The following QSOX1 variants were observed in gnomAD, a reference collection of about 807,000 sequenced individuals.
QSOX1 encodes quiescin sulfhydryl oxidase 1.
In QSOX1, 40 loss-of-function variants were observed where a neutral mutation model predicts 76.1. The ratio of observed to expected loss-of-function variants is 0.53; its 90% CI spans 0.41 to 0.68. The LOEUF (loss-of-function observed/expected upper bound fraction) is 0.68. Ranked by LOEUF, QSOX1 falls within the 30% of genes least tolerant of loss-of-function variation. The pLI, the probability that QSOX1 is intolerant of heterozygous loss-of-function variation, is 0.00. For missense variants in QSOX1, 931 were observed against 974.3 expected, an observed-to-expected ratio of 0.96 and a Z score of 0.59; for synonymous variants, 392 against 413.1, an observed-to-expected ratio of 0.95 and a Z score of 0.62.
chr1:180,198,505 T>C lies in QSOX1; in HGVS notation c.*1468T>C, dbSNP rs1435768917. 2 of 418,988 alleles carry C rather than the reference T, an allele frequency of 4.8e-6. No homozygotes were observed. Among genetic ancestry groups the C allele is most frequent in the Admixed American group, 5.0e-5 (2 of 40,170 alleles). The allele number at this position is 418,988 out of a possible 1,614,324, so 26.0% of individuals were successfully genotyped here. On this transcript the variant is annotated 3_prime_UTR_variant, in exon 12 of 12. Transcript: ENST00000367602. ...GGGGAGCAGGAGCCTCAATCCGATT[T>C]GGTTTTCTCTTTGACATCTTCACTC...
At chr1:180,178,987 T>A in intron 5 of QSOX1, 103 bp downstream of exon 5, 3 of 1,056,384 alleles carry the variant, frequency 2.8e-6, no homozygotes, top group African/African-American at 1.6e-5. Context: ...CTTGGCTGCC[T>A]GGGTCTTTTA....
In QSOX1 at chr1:180,200,078, G is replaced by C. The variant is rs999292394; in HGVS notation, c.*3041G>C. The C allele has an allele frequency of 1.3e-5, 2 of 152,200 alleles. No individual in the cohort carries two copies. The highest frequency in any genetic ancestry group is 4.8e-5 in the African/African-American group (2 of 41,436). The allele number at this position is 152,200 out of a possible 1,614,324, so 9.4% of individuals were successfully genotyped here. On this transcript the variant is annotated 3_prime_UTR_variant, in exon 12 of 12. Transcript: ENST00000367602. ...GAGAGCCCTCAAATCTGGGCCCTGG[G>C]TCAGGGTGGGGTCAAGTCCAGCCTT...
chr1:180,174,891 G>A (rs1662847172), intron 2 of QSOX1, among the ~76,000 whole-genome samples: 2 of 151,826 alleles, frequency 1.3e-5, no homozygotes, highest in Non-Finnish European at 2.9e-5. Context: ...TCGGCCAGGC[G>A]CCTATAATCC....
At chr1:180,183,878 A>G (rs112603446) in intron 6 of QSOX1, 38 bp from the exon 7 acceptor site, 21 of 1,591,532 alleles carry the variant, frequency 1.3e-5, no homozygotes, top group Non-Finnish European at 1.7e-5. Flanking sequence ...TGTTCTCTGC[A>G]CTTACTGCCT....
chr1:180,158,550 C>T (rs1034613516), intron 1 of QSOX1, among the ~76,000 whole-genome samples: 1 of 152,186 alleles, frequency 6.6e-6, no homozygotes, highest in Non-Finnish European at 1.5e-5. Context: ...GGCATTTTGT[C>T]CATCCAGTGA....
In QSOX1 at chr1:180,196,333, A is replaced by G. The variant is rs1424597642; in HGVS notation, c.1540A>G (p.Asn514Asp). ...PPRELCSACH[N>D]ERLDVPVWDV... is the part of the protein sequence containing the mutation. ...CCGTGAACTTTGTTCTGCCTGCCAC[A>G]ATGAACGCCTGGATGTGCCCGTGTG... Residue 514 changes from asparagine to aspartate, a missense_variant, in exon 12 of 12, where the codon AAT (asparagine) becomes GAT (aspartate). Coordinates refer to ENST00000367602, the MANE Select transcript of QSOX1 (RefSeq NM_002826.5). The surrounding 1 kb of genome is among the most constrained non-coding windows in gnomAD (Gnocchi z 4.1). 1 of 1,614,128 alleles carries G rather than the reference A, an allele frequency of 6.2e-7. No individual in the cohort carries two copies. Among genetic ancestry groups the G allele is most frequent in the South Asian group, 1.1e-5 (1 of 91,088 alleles).
At chr1:180,195,363 C>T (rs1293806083) in intron 11 of QSOX1, among the ~76,000 whole-genome samples, 4 of 152,296 alleles carry the variant, frequency 2.6e-5, no homozygotes, top group Non-Finnish European at 4.4e-5. Flanking sequence ...TGACTCATGA[C>T]TGGACCCTTG....
intron 4 of QSOX1, 80 bp from the exon 5 acceptor site, chr1:180,178,714 C>A: frequency 1.5e-6 from 2 of 1,300,848 alleles, no homozygotes; most frequent in Non-Finnish European, 2.2e-6. Flanking sequence ...AGCACTGCAT[C>A]ACCAGCGTCT....
In QSOX1 at chr1:180,155,060, C is replaced by T. The variant is rs1464270663; in HGVS notation, c.153C>T (p.Arg51=). 8 of 1,513,688 alleles carry T rather than the reference C, an allele frequency of 5.3e-6. No homozygotes were observed. The highest frequency in any genetic ancestry group is 2.0e-5 in the Admixed American group (1 of 49,170). The allele number at this position is 1,513,688 out of a possible 1,614,324, so 93.8% of individuals were successfully genotyped here. The change falls in exon 1 of 12, where the codon CGC becomes CGT. Residue 51 remains arginine, a synonymous_variant. Transcript: ENST00000367602. ...PLTLLQADTV[R]GAVLGSRSAW... ...CGCTGCTGCAGGCGGACACGGTGCG[C>T]GGCGCGGTGCTGGGCTCCCGCAGCG...
At chr1:180,169,137 G>A (rs1208647767) in intron 2 of QSOX1, among the ~76,000 whole-genome samples, 3 of 152,216 alleles carry the variant, frequency 2.0e-5, no homozygotes, top group African/African-American at 7.2e-5. Context: ...GCTGTGTCAG[G>A]TCCCCATCAG....
intron 4 of QSOX1, among the ~76,000 whole-genome samples, chr1:180,177,565 C>A (rs79584554): frequency 0.01 from 1,556 of 152,274 alleles, 20 homozygotes; most frequent in African/African-American, 0.036. Flanking sequence ...CAAAGCAATC[C>A]TTTTAAAGAA....
At chr1:180,158,194 C>T (rs1662413724) in intron 1 of QSOX1, among the ~76,000 whole-genome samples, 1 of 152,172 alleles carries the variant, frequency 6.6e-6, no homozygotes, top group South Asian at 2.1e-4. Context: ...TTTCTGGAGC[C>T]TGGGCAGGTA....
intron 2 of QSOX1, among the ~76,000 whole-genome samples, chr1:180,173,309 A>G (rs1316380988): frequency 6.6e-6 from 1 of 150,572 alleles, no homozygotes; most frequent in East Asian, 1.9e-4. Context: ...ATGTATCTTC[A>G]ATTTTGTTCA....
At position 180,176,848 on chromosome 1, in the gene QSOX1, C is replaced by T. The variant is rs115267617; in HGVS notation, c.515+815C>T. Among the ~76,000 whole-genome samples, 1,099 of 152,304 alleles carry T rather than the reference C, an allele frequency of 7.2e-3. 11 individuals are homozygous for T. The highest frequency in any genetic ancestry group is 0.025 in the African/African-American group (1,057 of 41,554). On this transcript the variant is annotated intron_variant, in intron 4 of 11. Coordinates refer to ENST00000367602, the MANE Select transcript of QSOX1 (RefSeq NM_002826.5). The stretch of plus-strand genomic sequence containing the variant: ...AGGTGCTAAGAAGGCCTCACAAGGC[C>T]GCTGTTGGTGCGCAGAGGCTCTCTT...
At chr1:180,191,319 G>T (rs992527015) in intron 10 of QSOX1, among the ~76,000 whole-genome samples, 1 of 152,242 alleles carries the variant, frequency 6.6e-6, no homozygotes, top group South Asian at 2.1e-4. Flanking sequence ...GTGGTGGAGA[G>T]AAAGATGTGG....
chr1:180,192,965 A>G (rs1476237294), intron 10 of QSOX1, among the ~76,000 whole-genome samples: 2 of 151,972 alleles, frequency 1.3e-5, no homozygotes, highest in Non-Finnish European at 2.9e-5. Context: ...GTGTTTCAAG[A>G]TAGAGGTGTA....
At chr1:180,178,974 G>A in intron 5 of QSOX1, 90 bp downstream of exon 5, 2 of 1,181,062 alleles carry the variant, frequency 1.7e-6, no homozygotes, top group Admixed American at 3.6e-5. Flanking sequence ...CCAATTCTAG[G>A]GTCTTGGCTG....
Position 180,201,352 on chromosome 1 carries a change from C to CGCCCCATAGGCCTCTGCA in QSOX1, c.*4323_*4340dup, listed in dbSNP as rs1663635407. 2.0e-5 allele frequency: 3 copies of CGCCCCATAGGCCTCTGCA among 152,138 alleles called. No homozygotes were observed. Among genetic ancestry groups the CGCCCCATAGGCCTCTGCA allele is most frequent in the African/African-American group, 7.2e-5 (3 of 41,402 alleles). 9.4% of individuals were successfully genotyped at this position (152,138 alleles called of 1,614,324 possible). A position where few individuals can be genotyped will look rare whatever the true frequency, so the allele number is the denominator to read the frequency against. On this transcript the variant is annotated 3_prime_UTR_variant, in exon 12 of 12. Transcript: ENST00000367602. ...CCAGCCTGACAGTCTTGGGGCAGAGCGCCCCATAGGCCTCTGCAGCCCCAT... is the reference window on the plus strand; with the variant it reads ...CCAGCCTGACAGTCTTGGGGCAGAGCGCCCCATAGGCCTCTGCAGCCCCATAGGCCTCTGCAGCCCCAT...
intron 11 of QSOX1, among the ~76,000 whole-genome samples, chr1:180,195,262 G>A (rs916105585): frequency 4.6e-5 from 7 of 152,218 alleles, no homozygotes; most frequent in Admixed American, 4.6e-4. Context: ...AAGCAGGGTG[G>A]TTCCCTCCCC....
Sources: gnomAD v4.1 joint callset for allele counts (sites outside exome capture counted in the v4.1 genomes callset) on GRCh38, gnomAD v4.1.1 for gene constraint, Gnocchi (gnomAD v3.1) non-coding constraint, MANE v1.5 for transcripts, NCBI Gene and HGNC (gene_info 2026-07-23, HGNC 2026-07-21) for gene names.